CLPB: variants seen among roughly 807,000 people sequenced by gnomAD.
CLPB encodes the protein ClpB family mitochondrial disaggregase.
In CLPB, 40 loss-of-function variants were observed where a neutral mutation model predicts 78.4. That is an observed-to-expected ratio of 0.51 (90% CI 0.40 to 0.66). CLPB has a LOEUF of 0.66. Among genes scored for constraint, CLPB ranks in the 30% least tolerant of loss-of-function variants. The pLI is 0.00. For synonymous variants in CLPB, 333 were observed against 348.0 expected, an observed-to-expected ratio of 0.96 and a Z score of 0.48; for missense variants, 780 against 886.9, an observed-to-expected ratio of 0.88 and a Z score of 1.53.
rs1287017103 is a variant in CLPB at position 72,286,236 on chromosome 11, T to G, written c.*7131A>C. The stretch of plus-strand genomic sequence containing the variant: ...GATACTGCACCTGTTTTTTTTTTTT[T>G]TTTTTTTTTTAAGAGATAGGGTGTC... On this transcript the variant is annotated 3_prime_UTR_variant, in exon 16 of 16. Coordinates refer to ENST00000538039, the MANE Select transcript of CLPB (RefSeq NM_001258392.3). 1.5e-5 allele frequency: 2 copies of G among 137,152 alleles called. No homozygotes were observed. Among genetic ancestry groups the G allele is most frequent in the Non-Finnish European group, 3.1e-5 (2 of 63,542 alleles). 8.5% of individuals were successfully genotyped at this position (137,152 alleles called of 1,614,324 possible). A position where few individuals can be genotyped will look rare whatever the true frequency, so the allele number is the denominator to read the frequency against.
At chr11:72,369,637 C>T (rs969850545) in intron 4 of CLPB, among the ~76,000 whole-genome samples, 1 of 152,186 alleles carries the variant, frequency 6.6e-6, no homozygotes, top group Non-Finnish European at 1.5e-5. Context: ...AAAACAAATA[C>T]AAAATGCTGT....
intron 4 of CLPB, chr11:72,372,863 T>G (rs536653586): frequency 8.8e-5 from 126 of 1,434,920 alleles, no homozygotes; most frequent in Non-Finnish European, 1.1e-4. Flanking sequence ...GATAGTCAGA[T>G]GAGACCATCC....
intron 4 of CLPB, among the ~76,000 whole-genome samples, chr11:72,367,397 C>T (rs1950964101): frequency 6.6e-6 from 1 of 152,200 alleles, no homozygotes; most frequent in Admixed American, 6.5e-5. Flanking sequence ...ATCCTGACCT[C>T]AAGTTATCCG....
At chr11:72,411,300 A>G (rs1465642269) in intron 2 of CLPB, among the ~76,000 whole-genome samples, 2 of 152,210 alleles carry the variant, frequency 1.3e-5, no homozygotes, top group South Asian at 4.1e-4. Context: ...TTAGGCTTCT[A>G]TGTATATGTA....
In CLPB at chr11:72,292,178, A is replaced by G. The variant is rs1431544326; in HGVS notation, c.*1189T>C. On this transcript the variant is annotated 3_prime_UTR_variant, in exon 16 of 16. Transcript: ENST00000538039. The stretch of plus-strand genomic sequence containing the variant: ...GCCTCATACCCACCATACTGTTAGG[A>G]CATGCTTCCATTACCCAAGGGACTT... 6.6e-6 allele frequency: 1 copy of G among 152,150 alleles called. No individual in the cohort carries two copies. Among genetic ancestry groups the G allele is most frequent in the Non-Finnish European group, 1.5e-5 (1 of 68,112 alleles). The allele number at this position is 152,150 out of a possible 1,614,324, so 9.4% of individuals were successfully genotyped here. A position where few individuals can be genotyped will look rare whatever the true frequency, so the allele number is the denominator to read the frequency against.
chr11:72,387,907 C>T (rs1855131608), intron 3 of CLPB, among the ~76,000 whole-genome samples: 1 of 152,166 alleles, frequency 6.6e-6, no homozygotes, highest in Non-Finnish European at 1.5e-5. Context: ...CTGCTGTGTC[C>T]AATCACCATT....
At chr11:72,330,551 T>C (rs1456802646) in intron 5 of CLPB, among the ~76,000 whole-genome samples, 2 of 152,348 alleles carry the variant, frequency 1.3e-5, no homozygotes, top group African/African-American at 4.8e-5. Flanking sequence ...TTGGCAGTTA[T>C]GGAGGAAAGG....
intron 4 of CLPB, among the ~76,000 whole-genome samples, chr11:72,375,674 G>A (rs1419123501): frequency 6.6e-6 from 1 of 152,190 alleles, no homozygotes; most frequent in Non-Finnish European, 1.5e-5. Flanking sequence ...ATCACTCTGC[G>A]TTGTGATTCC....
At chr11:72,359,854 C>T (rs1203935587) in intron 4 of CLPB, among the ~76,000 whole-genome samples, 1 of 152,168 alleles carries the variant, frequency 6.6e-6, no homozygotes, top group Non-Finnish European at 1.5e-5. Flanking sequence ...CCCCCAGGCT[C>T]ACTCTAGTGC....
At chr11:72,297,428 A>C (rs1452243638) in intron 11 of CLPB, among the ~76,000 whole-genome samples, 1 of 152,182 alleles carries the variant, frequency 6.6e-6, no homozygotes, top group Non-Finnish European at 1.5e-5. Context: ...AGAAACTGTT[A>C]ATTCCCAAAG....
At chr11:72,379,483 C>A (rs939812475) in intron 4 of CLPB, among the ~76,000 whole-genome samples, 3 of 152,126 alleles carry the variant, frequency 2.0e-5, no homozygotes, top group Admixed American at 2.0e-4. Flanking sequence ...AAGTACTCAC[C>A]AGACACAACA....
rs1219673504 is a variant in CLPB, at chr11:72,408,917, G to A, written c.456-5865C>T. 3.9e-5 allele frequency among the ~76,000 whole-genome samples: 6 copies of A among 152,338 alleles called. 1 individual carries two copies. The South Asian group carries it at 8.3e-4, about 21-fold the overall frequency. ...GCCCGCTGAGAGAGGCTGAAAGGGC[G>A]TTTGAGGCCTGAGAAAGCCACCCTT... On this transcript the variant is annotated intron_variant, in intron 2 of 15. Transcript: ENST00000538039.
intron 2 of CLPB, chr11:72,408,229 A>G: frequency 1.3e-6 from 2 of 1,488,984 alleles, no homozygotes; most frequent in Non-Finnish European, 1.8e-6. Context: ...AAAAAAAGCA[A>G]TGACCCTGGA....
intron 6 of CLPB, among the ~76,000 whole-genome samples, chr11:72,318,378 G>T (rs959535425): frequency 2.6e-5 from 4 of 152,192 alleles, no homozygotes; most frequent in African/African-American, 9.7e-5. Context: ...CCGTGGGACT[G>T]TCTGGAGAAC....
intron 12 of CLPB, 106 bp downstream of exon 12, chr11:72,295,386 C>T (rs915536608): frequency 1.6e-5 from 19 of 1,215,672 alleles, no homozygotes; most frequent in Non-Finnish European, 2.0e-5. Flanking sequence ...GACAGAGCTG[C>T]CCACTAGAAC....
At chr11:72,322,449 G>T (rs1342817228) in intron 6 of CLPB, among the ~76,000 whole-genome samples, 1 of 152,186 alleles carries the variant, frequency 6.6e-6, no homozygotes, top group African/African-American at 2.4e-5. Flanking sequence ...CTCCCAAAGT[G>T]CTGGGATTAC....
At chr11:72,408,086 G>A (rs534168237) in intron 2 of CLPB, 1 of 1,503,372 alleles carries the variant, frequency 6.7e-7, no homozygotes, top group Non-Finnish European at 8.9e-7. Flanking sequence ...TAAAGGAAAG[G>A]GCTCTACAAA....
chr11:72,337,271 A>G, intron 5 of CLPB: 1 of 397,468 alleles, frequency 2.5e-6, no homozygotes, highest in Non-Finnish European at 4.4e-6. Flanking sequence ...GTACACAGAC[A>G]TTCACACTTG....
chr11:72,296,389 G>T (rs754206217), intron 11 of CLPB, among the ~76,000 whole-genome samples: 2 of 152,164 alleles, frequency 1.3e-5, no homozygotes, highest in Non-Finnish European at 2.9e-5. Flanking sequence ...TTCTAGAAGG[G>T]ACAAAGGAGG....
Sources: allele counts gnomAD v4.1 joint callset (sites outside exome capture counted in the v4.1 genomes callset), GRCh38; gene constraint gnomAD v4.1.1; transcripts MANE v1.5; gene names NCBI Gene and HGNC (gene_info 2026-07-23, HGNC 2026-07-21).